DNAH14: variants seen among roughly 807,000 people sequenced by gnomAD.
DNAH14 encodes the protein axonemal beta dynein heavy chain 14.
A neutral mutation model predicts 520.9 loss-of-function variants in DNAH14; 478 were observed. The ratio of observed to expected loss-of-function variants is 0.92; its 90% CI spans 0.85 to 0.99. The LOEUF (loss-of-function observed/expected upper bound fraction) is 0.99. DNAH14 is among the 50% of genes least tolerant of loss of function. The probability of loss-of-function intolerance (pLI) is 0.00; values close to 1 mark genes in which losing one functional copy is unlikely to be tolerated. For missense variants in DNAH14, 4,831 were observed against 5,234.5 expected, an observed-to-expected ratio of 0.92 and a Z score of 2.38; for synonymous variants, 1,581 against 1,757.2, an observed-to-expected ratio of 0.90 and a Z score of 2.51.
intron 17 of DNAH14, among the ~76,000 whole-genome samples, chr1:225,058,478 C>A (rs1237166477): frequency 6.6e-6 from 1 of 152,098 alleles, no homozygotes; most frequent in African/African-American, 2.4e-5. Flanking sequence ...TTTCAAAAAA[C>A]CAGCTCCTGG....
intron 31 of DNAH14, among the ~76,000 whole-genome samples, chr1:225,147,800 C>G (rs1173085111): frequency 6.6e-6 from 1 of 152,144 alleles, no homozygotes; most frequent in Non-Finnish European, 1.5e-5. Flanking sequence ...CTTCCACCCT[C>G]CAGTAGGCCC....
At position 225,084,690 on chromosome 1, in the gene DNAH14, A is replaced by G. The variant is rs191485220; in HGVS notation, c.3328-854A>G. 3.3e-5 allele frequency among the ~76,000 whole-genome samples: 5 copies of G among 152,048 alleles called. No individual in the cohort carries two copies. The East Asian group carries it at 5.8e-4, about 18-fold the overall frequency. ...TAATAAAGTTAGATAATTAACTACA[A>G]TCATCAAGATTCAGCTGAAACCACC... On this transcript the variant is annotated intron_variant, in intron 20 of 85. Transcript: ENST00000682510.
intron 69 of DNAH14, among the ~76,000 whole-genome samples, chr1:225,342,157 G>C (rs2150391855): frequency 6.6e-6 from 1 of 152,194 alleles, no homozygotes; most frequent in East Asian, 1.9e-4. Context: ...AGATACTGTA[G>C]TAAAACAAAT....
At chr1:225,250,698 G>A (rs1327055377) in intron 43 of DNAH14, 1 of 551,886 alleles carries the variant, frequency 1.8e-6, no homozygotes, top group Non-Finnish European at 3.4e-6. Flanking sequence ...CGGAGAAAGG[G>A]GAACTGTGGG....
chr1:225,290,647 G>A (rs12742599), intron 55 of DNAH14, among the ~76,000 whole-genome samples: 6,948 of 55,592 alleles, frequency 0.12, 613 homozygotes, highest in African/African-American at 0.2. Flanking sequence ...GTGTGTGTGT[G>A]TATATATATA....
chr1:225,392,568 A>G, intron 84 of DNAH14, 117 bp downstream of exon 84: 1 of 1,254,522 alleles, frequency 8.0e-7, no homozygotes, highest in Non-Finnish European at 1.1e-6. Context: ...CAGGCACTAG[A>G]CAGGCAGATC....
At chr1:225,256,219 C>A (rs28467771) in intron 44 of DNAH14, among the ~76,000 whole-genome samples, 5,516 of 152,164 alleles carry the variant, frequency 0.036, 304 homozygotes, top group African/African-American at 0.12. Context: ...ATCTTCCACA[C>A]ATATACAAAC....
At chr1:225,286,968 G>T (rs943023501) in intron 54 of DNAH14, among the ~76,000 whole-genome samples, 6 of 152,180 alleles carry the variant, frequency 3.9e-5, no homozygotes, top group African/African-American at 1.4e-4. Context: ...CTAAGTGAAA[G>T]AAGTCGGTCT....
At chr1:225,261,034 GT>G (rs1334780597) in intron 46 of DNAH14, among the ~76,000 whole-genome samples, 1 of 152,178 alleles carries the variant, frequency 6.6e-6, no homozygotes, top group Non-Finnish European at 1.5e-5. Flanking sequence ...AGTTCTAACA[GT>G]TTTTTGGTGG....
intron 8 of DNAH14, among the ~76,000 whole-genome samples, chr1:224,996,642 G>A (rs560538506): frequency 1.3e-5 from 2 of 152,238 alleles, no homozygotes; most frequent in African/African-American, 2.4e-5. Flanking sequence ...GTGAGACCCC[G>A]ACTGAGCTCT....
chr1:225,162,938 A>T (rs1251024803), intron 35 of DNAH14, among the ~76,000 whole-genome samples: 2 of 151,976 alleles, frequency 1.3e-5, no homozygotes, highest in African/African-American at 2.4e-5. Context: ...GGAGTTCGAG[A>T]CAAGCCTGGT....
In DNAH14 at chr1:224,974,170, A is replaced by G; in HGVS notation, c.830+17A>G. 7.0e-7 allele frequency: 1 copy of G among 1,431,224 alleles called. No individual in the cohort carries two copies. The highest frequency in any genetic ancestry group is 9.3e-7 in the Non-Finnish European group (1 of 1,080,710). 88.7% of individuals were successfully genotyped at this position (1,431,224 alleles called of 1,614,324 possible). A position where few individuals can be genotyped will look rare whatever the true frequency, so the allele number is the denominator to read the frequency against. On this transcript the variant is annotated intron_variant, in intron 8 of 85. Transcript: ENST00000682510. ...GAAGAGCAGGTAAGTTTTGATACGCAATATATAAAAATTTCAAAAGGAAGC... is the reference window on the plus strand; with the variant it reads ...GAAGAGCAGGTAAGTTTTGATACGCGATATATAAAAATTTCAAAAGGAAGC...
intron 41 of DNAH14, among the ~76,000 whole-genome samples, chr1:225,216,236 TG>T (rs1325103036): frequency 6.6e-6 from 1 of 152,230 alleles, no homozygotes. Flanking sequence ...CACTCTCTTC[TG>T]GCTTGTAGAG....
intron 60 of DNAH14, among the ~76,000 whole-genome samples, chr1:225,318,007 A>G (rs1234765852): frequency 2.6e-5 from 4 of 152,206 alleles, no homozygotes; most frequent in African/African-American, 9.6e-5. Context: ...ATATAAATAT[A>G]ATTCCCAAGT....
intron 50 of DNAH14, 65 bp from the exon 51 acceptor site, chr1:225,271,840 AG>A: frequency 7.8e-7 from 1 of 1,282,668 alleles, no homozygotes; most frequent in Middle Eastern, 2.0e-4. Context: ...TTTTAGTGGA[AG>A]GTAGCCAGAA....
At chr1:225,291,019 C>CTT (rs2093876955) in intron 55 of DNAH14, among the ~76,000 whole-genome samples, 1 of 151,816 alleles carries the variant, frequency 6.6e-6, no homozygotes, top group Non-Finnish European at 1.5e-5. Flanking sequence ...CCTCCCTATC[C>CTT]TTCTCTCCCT....
chr1:225,204,744 G>T (rs1468545851), intron 39 of DNAH14, among the ~76,000 whole-genome samples: 2 of 152,184 alleles, frequency 1.3e-5, no homozygotes, highest in Non-Finnish European at 2.9e-5. Context: ...ATATGACCTT[G>T]TCAGTCTACT....
intron 8 of DNAH14, among the ~76,000 whole-genome samples, chr1:224,995,354 A>G (rs1392707497): frequency 3.3e-5 from 5 of 151,828 alleles, no homozygotes; most frequent in Non-Finnish European, 7.4e-5. Context: ...CCCCCTTAGC[A>G]TTTTTAATAT....
chr1:225,051,138 G>A (rs894212086), intron 16 of DNAH14, among the ~76,000 whole-genome samples: 17 of 152,282 alleles, frequency 1.1e-4, no homozygotes, highest in Admixed American at 2.0e-4. Flanking sequence ...AGGGCTAAGC[G>A]TAGTATACTC....
Sources: allele counts gnomAD v4.1 joint callset (sites outside exome capture counted in the v4.1 genomes callset), GRCh38; gene constraint gnomAD v4.1.1; transcripts MANE v1.5; gene names NCBI Gene and HGNC (gene_info 2026-07-23, HGNC 2026-07-21).